RAD9A: variants seen among roughly 807,000 people sequenced by gnomAD.
The protein encoded by RAD9A is RAD9 checkpoint clamp component A.
Under a neutral mutation model 41.2 loss-of-function variants are expected in RAD9A, and 25 were observed. The ratio of observed to expected loss-of-function variants is 0.61; its 90% CI spans 0.44 to 0.85. RAD9A has a LOEUF of 0.85. Ranked by LOEUF, RAD9A falls within the 40% of genes least tolerant of loss-of-function variation. The probability of loss-of-function intolerance (pLI) is 0.00; values close to 1 mark genes in which losing one functional copy is unlikely to be tolerated. For synonymous variants in RAD9A, 252 were observed against 210.6 expected, an observed-to-expected ratio of 1.20 and a Z score of -1.70; for missense variants, 514 against 518.3, an observed-to-expected ratio of 0.99 and a Z score of 0.08.
In RAD9A at chr11:67,397,148, C is replaced by A. The variant is rs777051146; in HGVS notation, c.873-31C>A. ...GGGGCCCTGCCTCTGCTCCCCCAGT[C>A]CCCTCCCTGATACTCCGATTCTGCC... On this transcript the variant is annotated intron_variant, in intron 9 of 10. Coordinates refer to ENST00000307980, the MANE Select transcript of RAD9A (RefSeq NM_004584.3). 6.4e-6 allele frequency: 10 copies of A among 1,555,716 alleles called. No homozygotes were observed. The African/African-American group carries it at 1.2e-4, about 19-fold the overall frequency.
chr11:67,397,202 C>T lies in RAD9A; in HGVS notation c.896C>T (p.Ala299Val). ...AGCACACCCCACCCGGACGACTTTGCCAATGACGACATTGACTCTTACATG... is the reference window on the plus strand; with the variant it reads ...AGCACACCCCACCCGGACGACTTTGTCAATGACGACATTGACTCTTACATG... ...AHSTPHPDDF[A>V]NDDIDSYMIA... Residue 299 changes from alanine (A) to valine (V), a missense_variant, in exon 10 of 11, where the codon GCC becomes GTC. Ala to Val is a moderately conservative substitution (Grantham distance 64). This residue lies in a region of RAD9A where 216 missense variants were observed against 184.2 expected (regional missense o/e 1.17). Transcript: ENST00000307980. 1 of 1,613,640 alleles carries T rather than the reference C, an allele frequency of 6.2e-7. No homozygotes were observed. Among genetic ancestry groups the T allele is most frequent in the Non-Finnish European group, 8.5e-7 (1 of 1,179,686 alleles).
rs201775788 is a variant in RAD9A at position 67,397,402 on chromosome 11, G to A, written c.1080+16G>A. The A allele has an allele frequency of 1.3e-6, 2 of 1,591,038 alleles. No individual in the cohort carries two copies. Among genetic ancestry groups the A allele is most frequent in the East Asian group, 2.2e-5 (1 of 44,572 alleles). On this transcript the variant is annotated intron_variant, in intron 10 of 10. Transcript: ENST00000307980. ...ACCCAAGAAGGTAGGGACTGGAGGT[G>A]GAGGCAGGGGTGGGAGGTAGGGAAG...
rs780011147 is a variant in RAD9A, at chr11:67,397,188, C to T, written c.882C>T (p.His294=). 2 of 1,613,092 alleles carry T rather than the reference C, an allele frequency of 1.2e-6. No homozygotes were observed. Among genetic ancestry groups the T allele is most frequent in the African/African-American group, 1.3e-5 (1 of 75,038 alleles). Residue 294 remains histidine (H), a synonymous_variant, in exon 10 of 11, where the codon CAC becomes CAT. Coordinates refer to ENST00000307980, the MANE Select transcript of RAD9A (RefSeq NM_004584.3). Reference sequence around the variant, plus strand: ...CCGATTCTGCCTACAGCACACCCCACCCGGACGACTTTGCCAATGACGACA... The same window carrying T: ...CCGATTCTGCCTACAGCACACCCCATCCGGACGACTTTGCCAATGACGACA... ...VPQLQAHSTP[H]PDDFANDDID...
At chr11:67,392,450 G>A (rs1862553846) in intron 2 of RAD9A, among the ~76,000 whole-genome samples, 1 of 152,242 alleles carries the variant, frequency 6.6e-6, no homozygotes, top group South Asian at 2.1e-4. Flanking sequence ...GAGAAACTCG[G>A]GGAAGGCCTG....
Position 67,395,752 on chromosome 11 carries a change from A to ACTGGC in RAD9A, c.487_491dup (p.Glu165TrpfsTer4), listed in dbSNP as rs1223131291. 6.2e-7 allele frequency: 1 copy of ACTGGC among 1,613,010 alleles called. No homozygotes were observed. Among genetic ancestry groups the ACTGGC allele is most frequent in the Non-Finnish European group, 8.5e-7 (1 of 1,179,512 alleles). The stretch of plus-strand genomic sequence containing the variant: ...AGGCTGTTCTGCCCTTCTCTCCTGC[A>ACTGGC]CTGGCTGAAGTGACGCTGGGCATTG... On this transcript the variant is annotated frameshift_variant, in exon 6 of 11. Transcript: ENST00000307980. LOFTEE classifies it high-confidence loss of function.
chr11:67,397,759 C>T lies in RAD9A; in HGVS notation c.*200C>T, dbSNP rs746392130. The stretch of plus-strand genomic sequence containing the variant: ...TCGGGCCTGGGCCGTTATCTCCCCA[C>T]AACCCCCAGCCAATCAGGACTTTCC... On this transcript the variant is annotated 3_prime_UTR_variant, in exon 11 of 11. Transcript: ENST00000307980. 1.4e-5 allele frequency: 8 copies of T among 581,520 alleles called. No individual in the cohort carries two copies. Among genetic ancestry groups the T allele is most frequent in the Non-Finnish European group, 2.4e-5 (8 of 328,906 alleles). 36.0% of individuals were successfully genotyped at this position (581,520 alleles called of 1,614,324 possible).
At position 67,393,545 on chromosome 11, in the gene RAD9A, A is replaced by T; in HGVS notation, c.284A>T (p.Glu95Val). The T allele has an allele frequency of 1.2e-6, 2 of 1,614,166 alleles. No individual in the cohort carries two copies. The highest frequency in any genetic ancestry group is 2.2e-5 in the East Asian group (1 of 44,874). The change falls in exon 4 of 11, where the codon GAA becomes GTA. Residue 95 changes from glutamate to valine, a missense_variant. Glu to Val is a moderately radical substitution (Grantham distance 121). Coordinates refer to ENST00000307980, the MANE Select transcript of RAD9A (RefSeq NM_004584.3). ...CTGGCGATGCTGGAGAAGACGGTGG[A>T]AAAATGCTGCATCTCCCTGAATGGC... is the stretch of plus-strand genomic sequence containing the variant. ...RSLAMLEKTV[E>V]KCCISLNGRS...
rs1005650156 is a variant in RAD9A at position 67,396,128 on chromosome 11, A to G, written c.687A>G (p.Ala229=). The change falls in exon 8 of 11, where the codon GCA becomes GCG. Residue 229 remains alanine, a synonymous_variant. Coordinates refer to ENST00000307980, the MANE Select transcript of RAD9A (RefSeq NM_004584.3). The stretch of plus-strand genomic sequence containing the variant: ...CCTCCCAGGGGCTCCTGAGCTTTGC[A>G]GAGTCAGCAAACTTGAATCTTAGCA... ...LKEFRGLLSF[A]ESANLNLSIH... 5 of 1,613,852 alleles carry G rather than the reference A, an allele frequency of 3.1e-6. No individual in the cohort carries two copies. Among genetic ancestry groups the G allele is most frequent in the African/African-American group, 1.3e-5 (1 of 74,886 alleles).
Position 67,391,990 on chromosome 11 carries a change from C to G in RAD9A, c.-55C>G. ...CGGTGCGCGGGAAGGGACCCCGGAC[C>G]CGGAGGTCGCGGAGAGCTGGGCAGT... On this transcript the variant is annotated 5_prime_UTR_variant, in exon 1 of 11. Transcript: ENST00000307980. 6 of 1,528,892 alleles carry G rather than the reference C, an allele frequency of 3.9e-6. No individual in the cohort carries two copies. The highest frequency in any genetic ancestry group is 1.2e-5 in the South Asian group (1 of 82,826). The allele number at this position is 1,528,892 out of a possible 1,614,324, so 94.7% of individuals were successfully genotyped here.
rs1051291739 is a variant in RAD9A, at chr11:67,396,420, ACTC to A, written c.872+27_872+29del. The stretch of plus-strand genomic sequence containing the variant: ...TCACAGGTGAGGGCACCTCCCCCCA[ACTC>A]CTCCTCTCTCCATGTCTGTGCACTC... On this transcript the variant is annotated intron_variant, in intron 9 of 10. Coordinates refer to ENST00000307980, the MANE Select transcript of RAD9A (RefSeq NM_004584.3). 11 of 1,608,730 alleles carry A rather than the reference ACTC, an allele frequency of 6.8e-6. No individual in the cohort carries two copies. The highest frequency in any genetic ancestry group is 2.2e-5 in the East Asian group (1 of 44,794).
rs749954046 is a variant in RAD9A, at chr11:67,392,081, G to T, written c.34+3G>T. The T allele has an allele frequency of 2.5e-6, 4 of 1,596,194 alleles. No homozygotes were observed. The highest frequency in any genetic ancestry group is 2.6e-6 in the Non-Finnish European group (3 of 1,172,772). On this transcript the variant is annotated splice_donor_region_variant and intron_variant, in intron 1 of 10. Transcript: ENST00000307980. ...GGTCACGGGCGGCAACGTGAAGGGT[G>T]AGTGCAGGTCGGCCTGGCAGCGGCG...
chr11:67,392,248 T>TGGGGGCTGGGGTGG lies in RAD9A; in HGVS notation c.105+22_105+23insCTGGGGTGGGGGGG. 2 of 321,860 alleles carry TGGGGGCTGGGGTGG rather than the reference T, an allele frequency of 6.2e-6. No homozygotes were observed. The highest frequency in any genetic ancestry group is 1.2e-5 in the Non-Finnish European group (2 of 162,538). The allele number at this position is 321,860 out of a possible 1,614,324, so 19.9% of individuals were successfully genotyped here. A position where few individuals can be genotyped will look rare whatever the true frequency, so the allele number is the denominator to read the frequency against. On this transcript the variant is annotated intron_variant, in intron 2 of 10. Coordinates refer to ENST00000307980, the MANE Select transcript of RAD9A (RefSeq NM_004584.3). ...GAGGACGGGGTGAGGGGCTAGGGTG[T>TGGGGGCTGGGGTGG]GGGGGGCGGGTGGGACTCCAGCCGG...
Position 67,398,311 on chromosome 11 carries a change from G to A in RAD9A, c.*752G>A. 1 of 571,474 alleles carries A rather than the reference G, an allele frequency of 1.7e-6. No homozygotes were observed. The highest frequency in any genetic ancestry group is 3.0e-6 in the Non-Finnish European group (1 of 328,324). 35.4% of individuals were successfully genotyped at this position (571,474 alleles called of 1,614,324 possible). On this transcript the variant is annotated 3_prime_UTR_variant, in exon 11 of 11. Coordinates refer to ENST00000307980, the MANE Select transcript of RAD9A (RefSeq NM_004584.3). ...GCCGTTGCCCTGAGCTGCAGCCTCG[G>A]CCCCAGGATCCTGCTCACAGTCACC...
At chr11:67,393,846 G>T (rs553110622) in intron 5 of RAD9A, 56 bp downstream of exon 5, 15 of 1,404,548 alleles carry the variant, frequency 1.1e-5, no homozygotes, top group Admixed American at 5.0e-5. Context: ...CTTCTTTGGG[G>T]CCCCAAGGGG....
chr11:67,392,650 C>T lies in RAD9A; in HGVS notation c.106-4C>T. On this transcript the variant is annotated splice_polypyrimidine_tract_variant and splice_region_variant and intron_variant, in intron 2 of 10. Coordinates refer to ENST00000307980, the MANE Select transcript of RAD9A (RefSeq NM_004584.3). ...CGTCCCTCTCCCTGCTCTTCGTGGC[C>T]CAGCTCTCCCTCCGGACGGTGAACT... is the stretch of plus-strand genomic sequence containing the variant. The T allele has an allele frequency of 6.2e-7, 1 of 1,613,548 alleles. No homozygotes were observed. The highest frequency in any genetic ancestry group is 8.5e-7 in the Non-Finnish European group (1 of 1,179,988).
chr11:67,392,234 G>A lies in RAD9A; in HGVS notation c.105+3G>A, dbSNP rs775660437. 4 of 1,521,972 alleles carry A rather than the reference G, an allele frequency of 2.6e-6. No individual in the cohort carries two copies. The highest frequency in any genetic ancestry group is 2.7e-5 in the African/African-American group (2 of 72,964). The allele number at this position is 1,521,972 out of a possible 1,614,324, so 94.3% of individuals were successfully genotyped here. ...ACCTGGAACCCTTGGAGGACGGGGT[G>A]AGGGGCTAGGGTGTGGGGGGCGGGT... On this transcript the variant is annotated splice_donor_region_variant and intron_variant, in intron 2 of 10. Transcript: ENST00000307980.
At chr11:67,394,114 G>A (rs991039082) in intron 5 of RAD9A, among the ~76,000 whole-genome samples, 2 of 152,216 alleles carry the variant, frequency 1.3e-5, no homozygotes, top group African/African-American at 4.8e-5. Context: ...TTTCTGGCCT[G>A]CCACCAAATC....
At chr11:67,396,777 A>C (rs1246280924) in intron 9 of RAD9A, among the ~76,000 whole-genome samples, 2 of 152,132 alleles carry the variant, frequency 1.3e-5, no homozygotes, top group Non-Finnish European at 2.9e-5. Context: ...AGGATGGCCC[A>C]GTGCACTTTC....
intron 5 of RAD9A, chr11:67,395,352 G>A (rs778810170): frequency 1.6e-5 from 4 of 244,570 alleles, no homozygotes; most frequent in Non-Finnish European, 3.1e-5. Flanking sequence ...AAAAGCAGAC[G>A]CAGCTCCCGT....
Sources: gnomAD v4.1 joint callset for allele counts (sites outside exome capture counted in the v4.1 genomes callset) on GRCh38, gnomAD v4.1.1 for gene constraint, gnomAD v4.1.1 regional missense constraint, MANE v1.5 for transcripts, NCBI Gene and HGNC (gene_info 2026-07-23, HGNC 2026-07-21) for gene names.